BBOF1: variants seen among roughly 807,000 people sequenced by gnomAD.
The protein encoded by BBOF1 is basal body-orientation factor 1.
Under a neutral mutation model 68.0 loss-of-function variants are expected in BBOF1, and 62 were observed. The observed-to-expected ratio is 0.91, with a 90% CI of 0.74 to 1.13. The LOEUF (loss-of-function observed/expected upper bound fraction) is 1.13, where lower values mean the gene tolerates loss of function less well. Ranked by LOEUF, BBOF1 falls within the 50% of genes most tolerant of loss-of-function variation. The probability of loss-of-function intolerance (pLI) is 0.00; values close to 1 mark genes in which losing one functional copy is unlikely to be tolerated. For missense variants in BBOF1, 534 were observed against 600.1 expected (o/e 0.89, Z 1.15); for synonymous variants, 208 against 198.8 (o/e 1.05, Z -0.39).
rs1278553747 is a variant in BBOF1 at position 74,065,368 on chromosome 14, G to A, written c.*669G>A. 9 of 1,613,630 alleles carry A rather than the reference G, an allele frequency of 5.6e-6. No homozygotes were observed. The highest frequency in any genetic ancestry group is 7.6e-6 in the Non-Finnish European group (9 of 1,179,930). On this transcript the variant is annotated 3_prime_UTR_variant, in exon 12 of 12. Coordinates refer to ENST00000394009, the MANE Select transcript of BBOF1 (RefSeq NM_025057.3). ...GTAACAGGTCATATTTGGCTGCCAG[G>A]AGTGATGCATCCAGAAAAGAAGTCA... is the stretch of plus-strand genomic sequence containing the variant.
chr14:74,019,938 T>C (rs185208818), intron 1 of BBOF1, among the ~76,000 whole-genome samples: 1 of 152,236 alleles, frequency 6.6e-6, no homozygotes, highest in East Asian at 1.9e-4. Flanking sequence ...ACCCCGGTGG[T>C]TTCTGGACAC....
At chr14:74,025,370 A>G (rs564267708) in intron 2 of BBOF1, among the ~76,000 whole-genome samples, 3 of 152,318 alleles carry the variant, frequency 2.0e-5, no homozygotes, top group Non-Finnish European at 4.4e-5. Context: ...GGAGGAAGAA[A>G]CAAAGTAGAC....
downstream of BBOF1, among the ~76,000 whole-genome samples, chr14:74,069,725 C>G (rs1047487701): frequency 3.9e-5 from 6 of 151,906 alleles, no homozygotes; most frequent in Admixed American, 1.3e-4. Context: ...TGCGCCTCAG[C>G]CTGGGCAACA....
chr14:74,062,808 G>GA (rs71460951), intron 11 of BBOF1, among the ~76,000 whole-genome samples: 22 of 150,252 alleles, frequency 1.5e-4, no homozygotes, highest in African/African-American at 2.9e-4. Context: ...AGCTGGCACA[G>GA]AAAAAAAAAA....
intron 6 of BBOF1, among the ~76,000 whole-genome samples, chr14:74,047,414 T>TATTG (rs1480031813): frequency 2.4e-5 from 3 of 123,274 alleles, no homozygotes; most frequent in Admixed American, 2.3e-4. Context: ...TCACTTTATT[T>TATTG]ATTTATTTAT....
intron 8 of BBOF1, among the ~76,000 whole-genome samples, chr14:74,050,621 C>T (rs1292264809): frequency 6.6e-6 from 1 of 151,828 alleles, no homozygotes; most frequent in Admixed American, 6.6e-5. Flanking sequence ...TCTTGAACTC[C>T]TGGCCTCAAG....
rs1183649019 is a variant in BBOF1, at chr14:74,021,723, C to T, written c.57-1193C>T. Among the ~76,000 whole-genome samples, 7 of 152,154 alleles carry T rather than the reference C, an allele frequency of 4.6e-5. No individual in the cohort carries two copies. In the East Asian group the frequency reaches 1.4e-3, roughly 29 times the overall value. ...AACAAAAACACCATCCTGGCTAACA[C>T]GGTGAAACCCCGTCTCTACTGAAAA... On this transcript the variant is annotated intron_variant, in intron 1 of 11. Coordinates refer to ENST00000394009, the MANE Select transcript of BBOF1 (RefSeq NM_025057.3).
intron 11 of BBOF1, chr14:74,058,720 A>G (rs1280527958): frequency 6.6e-6 from 1 of 152,214 alleles, no homozygotes; most frequent in Non-Finnish European, 1.5e-5. Context: ...TGGTACTGCA[A>G]AAAGAATCCA....
At chr14:74,068,177 G>C (rs1566830985), downstream of BBOF1, among the ~76,000 whole-genome samples, 2 of 151,730 alleles carry the variant, frequency 1.3e-5, no homozygotes, top group South Asian at 2.1e-4. Context: ...TTGAGGTCAG[G>C]AGTTCAAGAC....
chr14:74,021,053 T>C (rs1594994856), intron 1 of BBOF1, among the ~76,000 whole-genome samples: 1 of 151,990 alleles, frequency 6.6e-6, no homozygotes, highest in Non-Finnish European at 1.5e-5. Flanking sequence ...ATGTGGAGGG[T>C]GGCAGTATAG....
At chr14:74,038,466 T>C (rs1237472314) in intron 4 of BBOF1, among the ~76,000 whole-genome samples, 1 of 152,132 alleles carries the variant, frequency 6.6e-6, no homozygotes, top group Non-Finnish European at 1.5e-5. Context: ...CCTTTCAAAG[T>C]GGGCCTTTGA....
chr14:74,050,076 C>G lies in BBOF1; in HGVS notation c.1167C>G (p.Phe389Leu). The change falls in exon 8 of 12, where the codon TTC (phenylalanine) becomes TTG (leucine). Residue 389 changes from phenylalanine to leucine, a missense_variant. Coordinates refer to ENST00000394009, the MANE Select transcript of BBOF1 (RefSeq NM_025057.3). The part of the protein sequence containing the change: ...KHYKQIAQAA[F>L]NLKMRAACTG... ...ATAAGCAGATAGCACAAGCTGCTTT[C>G]AATTTAAAAATGAGAGCAGCATGTA... 1.2e-6 allele frequency: 2 copies of G among 1,613,880 alleles called. No individual in the cohort carries two copies. The highest frequency in any genetic ancestry group is 1.7e-6 in the Non-Finnish European group (2 of 1,179,952).
At chr14:74,047,005 G>A (rs1717812804) in intron 6 of BBOF1, 1 of 152,254 alleles carries the variant, frequency 6.6e-6, no homozygotes, top group African/African-American at 2.4e-5. Flanking sequence ...TGGGATTACA[G>A]ATGTGAGTCA....
downstream of BBOF1, chr14:74,066,925 C>T: frequency 6.3e-7 from 1 of 1,587,758 alleles, no homozygotes; most frequent in Non-Finnish European, 8.6e-7. Flanking sequence ...TCCTCATTAA[C>T]ATAAATTATG....
intron 3 of BBOF1, among the ~76,000 whole-genome samples, chr14:74,031,177 A>G (rs1316142570): frequency 6.6e-6 from 1 of 151,356 alleles, no homozygotes; most frequent in African/African-American, 2.4e-5. Flanking sequence ...GCAGTGGCAC[A>G]ATCATGGCTC....
chr14:74,073,393 T>TC (rs1184129738), intron 9 of BBOF1, among the ~76,000 whole-genome samples: 3 of 151,736 alleles, frequency 2.0e-5, no homozygotes, highest in Non-Finnish European at 2.9e-5. Context: ...GCGTGAGTCA[T>TC]CGTGCCCAGA....
chr14:74,035,584 A>ATTTTTTTTTTTTTTTTTTTTTTTTT (rs71460945), intron 4 of BBOF1, among the ~76,000 whole-genome samples: 1 of 81,392 alleles, frequency 1.2e-5, no homozygotes, highest in African/African-American at 6.4e-5. Flanking sequence ...CCCCCAGCTA[A>ATTTTTTTTTTTTTTTTTTTTTTTTT]TTTTTTTTTT....
chr14:74,047,756 G>A (rs1327578786), intron 6 of BBOF1, among the ~76,000 whole-genome samples, 174 bp from the exon 7 acceptor site: 1 of 151,938 alleles, frequency 6.6e-6, no homozygotes, highest in East Asian at 1.9e-4. Context: ...CTTTTTTATT[G>A]GGTGAAAACT....
At chr14:74,029,363 G>A (rs2059509605) in intron 3 of BBOF1, 114 bp downstream of exon 3, 4 of 649,548 alleles carry the variant, frequency 6.2e-6, no homozygotes, top group East Asian at 2.9e-5. Flanking sequence ...GCAGGCTAAT[G>A]ACCTTAAAGC....
Sources: gnomAD v4.1 joint callset for allele counts (sites outside exome capture counted in the v4.1 genomes callset) on GRCh38, gnomAD v4.1.1 for gene constraint, MANE v1.5 for transcripts, NCBI Gene and HGNC (gene_info 2026-07-23, HGNC 2026-07-21) for gene names.